STXBP5: variants seen among roughly 807,000 people sequenced by gnomAD.
The protein encoded by STXBP5 is syntaxin-binding protein 5.
STXBP5 carries 50 observed loss-of-function variants against 152.4 expected under a neutral mutation model. The observed-to-expected ratio is 0.33, with a 90% CI of 0.26 to 0.42. STXBP5 has a LOEUF of 0.42. Among genes scored for constraint, STXBP5 ranks in the 10% least tolerant of loss-of-function variants. The probability of loss-of-function intolerance (pLI) is 1.00; values close to 1 mark genes in which losing one functional copy is unlikely to be tolerated. For missense variants in STXBP5, 1,167 were observed against 1,388.6 expected (o/e 0.84, Z 2.54); for synonymous variants, 492 against 494.7 (o/e 0.99, Z 0.07).
intron 5 of STXBP5, 96 bp downstream of exon 5, chr6:147,260,845 A>G: frequency 7.2e-7 from 1 of 1,382,152 alleles, no homozygotes; most frequent in African/African-American, 1.5e-5. Context: ...TATGGAATTA[A>G]ATATGTGACA....
At chr6:147,347,885 C>T (rs540411632) in intron 21 of STXBP5, among the ~76,000 whole-genome samples, 1 of 152,268 alleles carries the variant, frequency 6.6e-6, no homozygotes, top group South Asian at 2.1e-4. Context: ...TAGTGGCTAT[C>T]TCTATACAAA....
intron 25 of STXBP5, among the ~76,000 whole-genome samples, chr6:147,368,408 A>G (rs1336972239): frequency 6.6e-6 from 1 of 152,222 alleles, no homozygotes; most frequent in Non-Finnish European, 1.5e-5. Flanking sequence ...AGCTTAAAAA[A>G]GAGCAGTTGA....
At chr6:147,236,278 A>G (rs778457675) in intron 3 of STXBP5, among the ~76,000 whole-genome samples, 1 of 152,206 alleles carries the variant, frequency 6.6e-6, no homozygotes. Flanking sequence ...AGTATCCTGT[A>G]TAGAACTGTA....
chr6:147,291,958 C>T (rs1781296243), intron 9 of STXBP5, among the ~76,000 whole-genome samples: 1 of 151,936 alleles, frequency 6.6e-6, no homozygotes, highest in African/African-American at 2.4e-5. Flanking sequence ...TAGCTGAGAA[C>T]TTGTTTGAAA....
At chr6:147,313,582 G>A (rs973703598) in intron 11 of STXBP5, among the ~76,000 whole-genome samples, 3 of 152,088 alleles carry the variant, frequency 2.0e-5, no homozygotes, top group African/African-American at 7.2e-5. Flanking sequence ...GTAAGCCTTT[G>A]TTCTTCAGTA....
intron 2 of STXBP5, among the ~76,000 whole-genome samples, chr6:147,213,434 A>ATGTGTG (rs1159372834): frequency 0.029 from 2,488 of 85,374 alleles, 30 homozygotes; most frequent in South Asian, 0.06. Flanking sequence ...AATTTTATAT[A>ATGTGTG]TGTGTGTGTG....
At chr6:147,282,272 A>G (rs1348304968) in intron 8 of STXBP5, among the ~76,000 whole-genome samples, 2 of 152,218 alleles carry the variant, frequency 1.3e-5, no homozygotes, top group African/African-American at 4.8e-5. Flanking sequence ...ATACTGAATT[A>G]AAGATGAGCA....
At chr6:147,329,671 G>C (rs1783462138) in intron 18 of STXBP5, among the ~76,000 whole-genome samples, 1 of 114,444 alleles carries the variant, frequency 8.7e-6, no homozygotes, top group African/African-American at 3.5e-5. Context: ...TTTCGCCCAG[G>C]CTGGACTGCA....
intron 8 of STXBP5, among the ~76,000 whole-genome samples, chr6:147,287,438 G>C (rs555071964): frequency 7.0e-4 from 106 of 151,890 alleles, no homozygotes; most frequent in African/African-American, 1.4e-3. Flanking sequence ...TCCTGACCTC[G>C]TGATCCGCCC....
chr6:147,292,006 A>G (rs761558771), intron 9 of STXBP5, among the ~76,000 whole-genome samples: 8 of 152,184 alleles, frequency 5.3e-5, no homozygotes, highest in Non-Finnish European at 8.8e-5. Context: ...CTACTGAATC[A>G]AAAACTCTAG....
chr6:147,234,610 A>G (rs1215637766), intron 2 of STXBP5, among the ~76,000 whole-genome samples: 1 of 151,932 alleles, frequency 6.6e-6, no homozygotes, highest in Non-Finnish European at 1.5e-5. Context: ...AATAATGCCT[A>G]ATGTGGAAAA....
At chr6:147,314,707 A>G in intron 14 of STXBP5, 71 bp downstream of exon 14, 10 of 1,110,778 alleles carry the variant, frequency 9.0e-6, no homozygotes, top group East Asian at 2.6e-5. Flanking sequence ...CTGTTTTATA[A>G]TAATTGCATA....
At position 147,386,904 on chromosome 6, in the gene STXBP5, A is replaced by T. The variant is rs1213389732; in HGVS notation, c.*2149A>T. 6.6e-6 allele frequency: 1 copy of T among 151,776 alleles called. No individual in the cohort carries two copies. Among genetic ancestry groups the T allele is most frequent in the African/African-American group, 2.4e-5 (1 of 41,426 alleles). 9.4% of individuals were successfully genotyped at this position (151,776 alleles called of 1,614,324 possible). ...GTGTTATTTTGTGTTATATAACACA[A>T]ATATATTTGTATATTAACTTCATTT... On this transcript the variant is annotated 3_prime_UTR_variant, in exon 28 of 28. Transcript: ENST00000321680.
Position 147,385,661 on chromosome 6 carries a change from T to C in STXBP5, c.*906T>C, listed in dbSNP as rs1786304284. The C allele has an allele frequency of 6.6e-6, 1 of 152,138 alleles. No individual in the cohort carries two copies. Among genetic ancestry groups the C allele is most frequent in the South Asian group, 2.1e-4 (1 of 4,836 alleles). 9.4% of individuals were successfully genotyped at this position (152,138 alleles called of 1,614,324 possible). Reference sequence around the variant, plus strand: ...AGAAATGTTGAAATTGGCTGTGTTTTAAATTTTGCTTGAATTTTTATAAAA... The same window carrying C: ...AGAAATGTTGAAATTGGCTGTGTTTCAAATTTTGCTTGAATTTTTATAAAA... On this transcript the variant is annotated 3_prime_UTR_variant, in exon 28 of 28. Transcript: ENST00000321680.
chr6:147,328,487 A>G (rs558993944), intron 18 of STXBP5, among the ~76,000 whole-genome samples: 1 of 152,334 alleles, frequency 6.6e-6, no homozygotes, highest in South Asian at 2.1e-4. Flanking sequence ...TGCAAATTTT[A>G]CAATTCATGG....
intron 2 of STXBP5, among the ~76,000 whole-genome samples, chr6:147,213,434 A>ATATGTGTG (rs1216361619): frequency 1.5e-4 from 13 of 85,572 alleles, no homozygotes; most frequent in Non-Finnish European, 2.4e-4. Context: ...AATTTTATAT[A>ATATGTGTG]TGTGTGTGTG....
At chr6:147,226,313 A>G (rs1257167482) in intron 2 of STXBP5, among the ~76,000 whole-genome samples, 2 of 151,782 alleles carry the variant, frequency 1.3e-5, no homozygotes, top group African/African-American at 2.4e-5. Context: ...AAAAAAAAAA[A>G]GATATTACTG....
intron 4 of STXBP5, among the ~76,000 whole-genome samples, chr6:147,244,442 T>C (rs1479838801): frequency 1.3e-5 from 2 of 152,352 alleles, no homozygotes; most frequent in Non-Finnish European, 2.9e-5. Context: ...ACACAATAGC[T>C]TGCTAGGATT....
chr6:147,309,292 T>C (rs975992151), intron 9 of STXBP5, among the ~76,000 whole-genome samples: 3 of 152,038 alleles, frequency 2.0e-5, no homozygotes, highest in Admixed American at 6.6e-5. Context: ...GAAAATAATA[T>C]ACAGAAAATT....
Sources: allele counts gnomAD v4.1 joint callset (sites outside exome capture counted in the v4.1 genomes callset), GRCh38; gene constraint gnomAD v4.1.1; transcripts MANE v1.5; gene names NCBI Gene and HGNC (gene_info 2026-07-23, HGNC 2026-07-21).